KLF12: variants seen among roughly 807,000 people sequenced by gnomAD.
The protein encoded by KLF12 is KLF transcription factor 12.
KLF12 carries 9 observed loss-of-function variants against 37.8 expected under a neutral mutation model. That is an observed-to-expected ratio of 0.24 (90% CI 0.14 to 0.42). The LOEUF is 0.42. Ranked by LOEUF, KLF12 falls within the 10% of genes least tolerant of loss-of-function variation. KLF12 has a pLI of 1.00. For missense variants in KLF12, 411 were observed against 516.0 expected, an observed-to-expected ratio of 0.80 and a Z score of 1.97; for synonymous variants, 208 against 202.1, an observed-to-expected ratio of 1.03 and a Z score of -0.25.
intron 3 of KLF12, among the ~76,000 whole-genome samples, chr13:73,933,679 C>T (rs1393913191): frequency 1.3e-5 from 2 of 152,140 alleles, no homozygotes; most frequent in Non-Finnish European, 2.9e-5. Flanking sequence ...ATGGTTGCTG[C>T]TATAACAAAC....
chr13:74,059,098 T>C (rs1439347863), intron 1 of KLF12, among the ~76,000 whole-genome samples: 1 of 152,254 alleles, frequency 6.6e-6, no homozygotes, highest in Non-Finnish European at 1.5e-5. Flanking sequence ...GTTTCATCCA[T>C]GTTGCTGCAA....
chr13:73,943,918 G>T, intron 3 of KLF12, 63 bp downstream of exon 3: 2 of 977,498 alleles, frequency 2.0e-6, no homozygotes, highest in East Asian at 2.4e-5. Flanking sequence ...ACCTCAGGAT[G>T]CTCTGCAGAA....
the KLF12 span, among the ~76,000 whole-genome samples, chr13:74,217,671 G>A: frequency 6.6e-6 from 1 of 152,192 alleles, no homozygotes; most frequent in Non-Finnish European, 1.5e-5. Flanking sequence ...AGGTTGCAGT[G>A]AGCCGAGATT....
intron 3 of KLF12, among the ~76,000 whole-genome samples, chr13:73,926,743 C>A (rs913030429): frequency 2.6e-5 from 4 of 151,328 alleles, no homozygotes; most frequent in African/African-American, 9.7e-5. Flanking sequence ...ATAAATGGTT[C>A]GGTTTTAAGC....
the KLF12 span, among the ~76,000 whole-genome samples, chr13:74,186,933 G>A: frequency 7.2e-5 from 11 of 152,238 alleles, no homozygotes; most frequent in Non-Finnish European, 1.3e-4. Context: ...AACAAGTCTC[G>A]TGCTCTTAAT....
At chr13:74,216,858 TC>T in the KLF12 span, among the ~76,000 whole-genome samples, 8 of 152,200 alleles carry the variant, frequency 5.3e-5, no homozygotes, top group African/African-American at 1.9e-4. Flanking sequence ...ACAATGAATT[TC>T]TTTTCAGCAC....
chr13:74,080,022 T>G (rs936824109), intron 1 of KLF12, among the ~76,000 whole-genome samples: 1 of 152,210 alleles, frequency 6.6e-6, no homozygotes, highest in African/African-American at 2.4e-5. Flanking sequence ...ACACATACTA[T>G]GTACTATTAT....
At chr13:73,726,358 T>C (rs781753415) in intron 6 of KLF12, among the ~76,000 whole-genome samples, 10 of 152,310 alleles carry the variant, frequency 6.6e-5, no homozygotes, top group East Asian at 1.9e-4. Context: ...TACACTCATA[T>C]TGTTATACAA....
At chr13:74,103,314 G>A (rs1876468791) in intron 1 of KLF12, among the ~76,000 whole-genome samples, 1 of 152,154 alleles carries the variant, frequency 6.6e-6, no homozygotes, top group African/African-American at 2.4e-5. Flanking sequence ...TATCCTTGTA[G>A]CTGATCATTT....
rs1173417649 is a variant in KLF12 at position 74,023,898 on chromosome 13, G to A, written c.-31-28845C>T. Among the ~76,000 whole-genome samples, 9 of 152,178 alleles carry A rather than the reference G, an allele frequency of 5.9e-5. No individual in the cohort carries two copies. The South Asian group carries it at 1.0e-3, about 18-fold the overall frequency. Reference sequence around the variant, plus strand: ...AAGTTTCTGGTGATCTTGAAGAAAAGGGGCATGTGAAATACAGCTAGGGTT... The same window carrying A: ...AAGTTTCTGGTGATCTTGAAGAAAAAGGGCATGTGAAATACAGCTAGGGTT... On this transcript the variant is annotated intron_variant, in intron 1 of 7. Transcript: ENST00000377669.
At chr13:73,869,585 A>G (rs1886364586) in intron 3 of KLF12, among the ~76,000 whole-genome samples, 1 of 152,050 alleles carries the variant, frequency 6.6e-6, no homozygotes, top group Non-Finnish European at 1.5e-5. Flanking sequence ...GATTTTCTAT[A>G]ATTATTCTGC....
intron 7 of KLF12, among the ~76,000 whole-genome samples, chr13:73,705,150 G>A (rs1173412191): frequency 6.6e-6 from 1 of 152,112 alleles, no homozygotes; most frequent in East Asian, 1.9e-4. Flanking sequence ...GTGTGACTGA[G>A]CCTTGTATTC....
the KLF12 span, among the ~76,000 whole-genome samples, chr13:74,209,887 G>C: frequency 4.6e-5 from 7 of 152,216 alleles, no homozygotes; most frequent in Non-Finnish European, 1.0e-4. Context: ...CAGAAGAAAA[G>C]AGATAAGAAT....
chr13:73,799,874 T>G (rs1047178084), intron 5 of KLF12, among the ~76,000 whole-genome samples: 3 of 152,140 alleles, frequency 2.0e-5, no homozygotes, highest in Non-Finnish European at 4.4e-5. Context: ...CAAAACACAA[T>G]AGAGAATGGA....
chr13:74,148,536 G>T, the KLF12 span, among the ~76,000 whole-genome samples: 12 of 139,276 alleles, frequency 8.6e-5, no homozygotes, highest in Admixed American at 3.0e-4. Context: ...ATTGGCTAAG[G>T]TCAACAACAA....
chr13:73,991,713 AC>A (rs1325870744), intron 2 of KLF12, among the ~76,000 whole-genome samples: 1 of 152,184 alleles, frequency 6.6e-6, no homozygotes, highest in Non-Finnish European at 1.5e-5. Context: ...CCAGGCAACT[AC>A]CCTACATACA....
chr13:74,256,657 T>C, the KLF12 span, among the ~76,000 whole-genome samples: 5 of 150,840 alleles, frequency 3.3e-5, no homozygotes, highest in African/African-American at 1.2e-4. Flanking sequence ...ATTAAGCTTT[T>C]CTTTTATTAG....
chr13:74,146,970 C>A, the KLF12 span, among the ~76,000 whole-genome samples: 1 of 152,124 alleles, frequency 6.6e-6, no homozygotes, highest in Non-Finnish European at 1.5e-5. Flanking sequence ...ATTAGTGAAC[C>A]TTTAGACACT....
chr13:74,270,904 G>A, the KLF12 span, among the ~76,000 whole-genome samples: 2 of 152,138 alleles, frequency 1.3e-5, no homozygotes, highest in Non-Finnish European at 2.9e-5. Context: ...TGATATTCCA[G>A]TAAATTCTCT....
Sources: allele counts gnomAD v4.1 joint callset (sites outside exome capture counted in the v4.1 genomes callset), GRCh38; gene constraint gnomAD v4.1.1; transcripts MANE v1.5; gene names NCBI Gene and HGNC (gene_info 2026-07-23, HGNC 2026-07-21).